The following MYO1D variants were observed in gnomAD, a reference collection of about 807,000 sequenced individuals.
The protein encoded by MYO1D is myosin ID.
In MYO1D, 83 loss-of-function variants were observed where a neutral mutation model predicts 122.0. The observed-to-expected ratio is 0.68, with a 90% CI of 0.57 to 0.82. MYO1D has a LOEUF of 0.82. MYO1D is among the 40% of genes least tolerant of loss of function. The pLI, the probability that MYO1D is intolerant of heterozygous loss-of-function variation, is 0.00. For synonymous variants in MYO1D, 464 were observed against 446.9 expected (o/e 1.04, Z -0.48); for missense variants, 1,157 against 1,269.5 (o/e 0.91, Z 1.35).
Position 32,835,921 on chromosome 17 carries a change from G to A in MYO1D, c.95+40857C>T, listed in dbSNP as rs75033417. Among the ~76,000 whole-genome samples the A allele has an allele frequency of 2.4e-3, 364 of 152,198 alleles. 2 individuals carry two copies. The highest frequency in any genetic ancestry group is 4.1e-3 in the Non-Finnish European group (282 of 68,014). The stretch of plus-strand genomic sequence containing the variant: ...TACACTAACTGTTGGTTCATACTGC[G>A]CTCACTATGGACTGAAAATTACTTT... On this transcript the variant is annotated intron_variant, in intron 1 of 21. Transcript: ENST00000318217.
At chr17:32,768,271 A>G (rs888216433) in intron 6 of MYO1D, among the ~76,000 whole-genome samples, 1 of 152,216 alleles carries the variant, frequency 6.6e-6, no homozygotes, top group Non-Finnish European at 1.5e-5. Context: ...GTCATTTAGT[A>G]AGCTATTAAA....
At chr17:32,640,950 T>C (rs1041127298) in intron 19 of MYO1D, among the ~76,000 whole-genome samples, 1 of 151,988 alleles carries the variant, frequency 6.6e-6, no homozygotes, top group African/African-American at 2.4e-5. Context: ...ATTTTTAAAA[T>C]TATACTTTAA....
Position 32,597,213 on chromosome 17 carries a change from T to C in MYO1D, c.2864+7874A>G, listed in dbSNP as rs532440892. On this transcript the variant is annotated intron_variant, in intron 21 of 21. Transcript: ENST00000318217. ...GCCACTTATTATTAAAATGAAAAAA[T>C]TTTAGATCAGTAACACATATATTGG... Among the ~76,000 whole-genome samples, 8 of 152,238 alleles carry C rather than the reference T, an allele frequency of 5.3e-5. No homozygotes were observed. In the South Asian group the frequency reaches 1.0e-3, roughly 20 times the overall value.
At chr17:32,620,354 A>G (rs2087838572) in intron 20 of MYO1D, among the ~76,000 whole-genome samples, 1 of 152,152 alleles carries the variant, frequency 6.6e-6, no homozygotes, top group African/African-American at 2.4e-5. Flanking sequence ...AGGTATCTGC[A>G]TATTTTCCCC....
intron 20 of MYO1D, among the ~76,000 whole-genome samples, chr17:32,619,700 A>G (rs892905123): frequency 1.3e-5 from 2 of 152,224 alleles, no homozygotes; most frequent in Non-Finnish European, 2.9e-5. Flanking sequence ...TTGTTTTACT[A>G]ATTGAATCAA....
At chr17:32,752,729 T>C (rs751390755) in intron 11 of MYO1D, among the ~76,000 whole-genome samples, 2 of 152,110 alleles carry the variant, frequency 1.3e-5, no homozygotes, top group Non-Finnish European at 2.9e-5. Flanking sequence ...GATATCGTCT[T>C]ATACCAGTCA....
At chr17:32,550,379 G>A (rs1033216590) in intron 21 of MYO1D, among the ~76,000 whole-genome samples, 6 of 152,062 alleles carry the variant, frequency 3.9e-5, no homozygotes, top group African/African-American at 1.2e-4. Context: ...GGATTACTGC[G>A]CCCAGCCTGA....
chr17:32,524,436 A>C (rs1910268917), intron 21 of MYO1D, among the ~76,000 whole-genome samples: 1 of 152,114 alleles, frequency 6.6e-6, no homozygotes, highest in African/African-American at 2.4e-5. Flanking sequence ...TCTGTCACCC[A>C]GGCTGGAGTG....
chr17:32,605,480 C>CG (rs1330304485), intron 20 of MYO1D, among the ~76,000 whole-genome samples: 2 of 151,460 alleles, frequency 1.3e-5, no homozygotes, highest in Non-Finnish European at 1.5e-5. Context: ...CTCAGTGACC[C>CG]CCTGACTTTA....
chr17:32,653,217 A>G (rs529768196), intron 19 of MYO1D, among the ~76,000 whole-genome samples: 1 of 152,312 alleles, frequency 6.6e-6, no homozygotes, highest in African/African-American at 2.4e-5. Flanking sequence ...AAGCAGATAT[A>G]CAGCTGCTAT....
intron 10 of MYO1D, chr17:32,759,874 G>A: frequency 2.3e-6 from 1 of 439,222 alleles, no homozygotes. Context: ...ATTAACTGAA[G>A]ACAATAAAAT....
chr17:32,760,359 C>T lies in MYO1D; in HGVS notation c.1227G>A (p.Gln409=). Reference sequence around the variant, plus strand: ...GCTTCAGAACCAGCTGAATAAATAGCTGCTGCAGTTTCTCATTGCAGTAAT... The same window carrying T: ...GCTTCAGAACCAGCTGAATAAATAGTTGCTGCAGTTTCTCATTGCAGTAAT... ...CINYCNEKLQ[Q]LFIQLVLKQE... is the part of the protein sequence containing the mutation. The change falls in exon 10 of 22, where the codon CAG becomes CAA. Residue 409 remains glutamine, a synonymous_variant. Transcript: ENST00000318217. 1 of 1,612,436 alleles carries T rather than the reference C, an allele frequency of 6.2e-7. No individual in the cohort carries two copies. Among genetic ancestry groups the T allele is most frequent in the Non-Finnish European group, 8.5e-7 (1 of 1,178,750 alleles).
In MYO1D at chr17:32,613,443, G is replaced by A. The variant is rs377647958; in HGVS notation, c.2710-8202C>T. 1.2e-4 allele frequency among the ~76,000 whole-genome samples: 19 copies of A among 152,206 alleles called. No individual in the cohort carries two copies. The East Asian group carries it at 2.1e-3, about 17-fold the overall frequency. ...CAAGATAAACACCATGACCATGAGCGTATATTCACAAGGGTAAGGGTGGTT... is the reference window on the plus strand; with the variant it reads ...CAAGATAAACACCATGACCATGAGCATATATTCACAAGGGTAAGGGTGGTT... On this transcript the variant is annotated intron_variant, in intron 20 of 21. Transcript: ENST00000318217.
At chr17:32,509,711 C>T (rs1909619058) in intron 21 of MYO1D, among the ~76,000 whole-genome samples, 1 of 152,154 alleles carries the variant, frequency 6.6e-6, no homozygotes, top group East Asian at 1.9e-4. Context: ...GCCTCAGCCT[C>T]CTGAGTAGCT....
At chr17:32,805,465 C>G (rs574932761) in intron 1 of MYO1D, among the ~76,000 whole-genome samples, 4 of 152,216 alleles carry the variant, frequency 2.6e-5, no homozygotes, top group Non-Finnish European at 4.4e-5. Flanking sequence ...GTGAAGGAAG[C>G]AGGTTCAGAG....
intron 1 of MYO1D, among the ~76,000 whole-genome samples, chr17:32,823,727 A>G (rs766635574): frequency 6.6e-6 from 1 of 152,178 alleles, no homozygotes; most frequent in Non-Finnish European, 1.5e-5. Flanking sequence ...CAAAAGGAAA[A>G]CATAAAGCCA....
intron 4 of MYO1D, among the ~76,000 whole-genome samples, 164 bp from the exon 5 acceptor site, chr17:32,773,006 A>G (rs913531607): frequency 2.0e-5 from 3 of 152,226 alleles, no homozygotes; most frequent in African/African-American, 7.2e-5. Flanking sequence ...AAAATGGCAG[A>G]TTCTTGCCTT....
intron 20 of MYO1D, chr17:32,632,584 TATACACACAC>T (rs1567919821): frequency 1.0e-5 from 1 of 98,600 alleles, no homozygotes. Flanking sequence ...TATATATATA[TATACACACAC>T]ACACACACAC....
At chr17:32,565,049 G>C (rs1401776224) in intron 21 of MYO1D, among the ~76,000 whole-genome samples, 1 of 152,172 alleles carries the variant, frequency 6.6e-6, no homozygotes, top group South Asian at 2.1e-4. Flanking sequence ...TGTCACCCAG[G>C]CTGGAGTGTA....
Sources: gnomAD v4.1 joint callset for allele counts (sites outside exome capture counted in the v4.1 genomes callset) on GRCh38, gnomAD v4.1.1 for gene constraint, MANE v1.5 for transcripts, NCBI Gene and HGNC (gene_info 2026-07-23, HGNC 2026-07-21) for gene names.